Variants in KATNAL1 observed in about 807,000 individuals in gnomAD.
KATNAL1 encodes the protein katanin p60 ATPase-containing subunit A-like 1.
In KATNAL1, 32 loss-of-function variants were observed where a neutral mutation model predicts 55.2. The observed-to-expected ratio is 0.58, with a 90% confidence interval of 0.44 to 0.78. The LOEUF is 0.78. Among genes scored for constraint, KATNAL1 ranks in the 30% least tolerant of loss-of-function variants. The pLI is 0.00. For synonymous variants in KATNAL1, 193 were observed against 193.6 expected (o/e 1.00, Z 0.02); for missense variants, 466 against 600.9 (o/e 0.78, Z 2.35).
At position 30,258,632 on chromosome 13, in the gene KATNAL1, G is replaced by A. The variant is rs74813118; in HGVS notation, c.324-3017C>T. ...CCAGTTTAATAAATCTTTGCCTACC[G>A]CAAGATCATGATGATATCCCTCCCA... is the stretch of plus-strand genomic sequence containing the variant. On this transcript the variant is annotated intron_variant, in intron 3 of 10. Coordinates refer to ENST00000380615, the MANE Select transcript of KATNAL1 (RefSeq NM_032116.5). Among the ~76,000 whole-genome samples, 279 of 152,176 alleles carry A rather than the reference G, an allele frequency of 1.8e-3. 3 individuals carry two copies. Among genetic ancestry groups the A allele is most frequent in the African/African-American group, 6.4e-3 (264 of 41,530 alleles).
chr13:30,208,743 A>C lies in KATNAL1; in HGVS notation c.1275-5T>G. ...ATTGCCATTAAAGAGGCATCCCTAA[A>C]AATATACCAAAATCAGTCAACAGTA... On this transcript the variant is annotated splice_polypyrimidine_tract_variant and splice_region_variant and intron_variant, in intron 10 of 10. Coordinates refer to ENST00000380615, the MANE Select transcript of KATNAL1 (RefSeq NM_032116.5). 6.3e-7 allele frequency: 1 copy of C among 1,587,484 alleles called. No individual in the cohort carries two copies. The highest frequency in any genetic ancestry group is 8.6e-7 in the Non-Finnish European group (1 of 1,163,620).
At chr13:30,219,276 A>G (rs940116528) in intron 9 of KATNAL1, among the ~76,000 whole-genome samples, 3 of 152,028 alleles carry the variant, frequency 2.0e-5, no homozygotes, top group Non-Finnish European at 4.4e-5. Flanking sequence ...AATCTCTTCC[A>G]GGCCTTTTTA....
intron 4 of KATNAL1, among the ~76,000 whole-genome samples, chr13:30,241,304 C>T (rs1024374728): frequency 2.0e-5 from 3 of 152,166 alleles, no homozygotes; most frequent in Non-Finnish European, 4.4e-5. Context: ...TACATTCTTG[C>T]AGGAACAGTT....
At chr13:30,228,199 A>C (rs953783599) in intron 8 of KATNAL1, among the ~76,000 whole-genome samples, 3 of 152,230 alleles carry the variant, frequency 2.0e-5, no homozygotes, top group Non-Finnish European at 4.4e-5. Flanking sequence ...CAGGTCACAC[A>C]ACAGAAACTT....
In KATNAL1 at chr13:30,296,472, T is replaced by C. The variant is rs1423806012; in HGVS notation, c.-15+10859A>G. On this transcript the variant is annotated intron_variant, in intron 1 of 10. Transcript: ENST00000380615. ...ATCCCCCTGCTTGCTAATGTGGCAATCTGAGGATTACGGTGAGCTGAAAAC... is the reference window on the plus strand; with the variant it reads ...ATCCCCCTGCTTGCTAATGTGGCAACCTGAGGATTACGGTGAGCTGAAAAC... 5 of 570,336 alleles carry C rather than the reference T, an allele frequency of 8.8e-6. No individual in the cohort carries two copies. In the African/African-American group the frequency reaches 9.4e-5, roughly 11 times the overall value. 35.3% of individuals were successfully genotyped at this position (570,336 alleles called of 1,614,324 possible).
In KATNAL1 at chr13:30,244,265, CT is replaced by C. The variant is rs560207914; in HGVS notation, c.493-3180del. Among the ~76,000 whole-genome samples, 430 of 152,190 alleles carry C rather than the reference CT, an allele frequency of 2.8e-3. 4 individuals carry two copies. Among genetic ancestry groups the C allele is most frequent in the African/African-American group, 9.8e-3 (407 of 41,512 alleles). On this transcript the variant is annotated intron_variant, in intron 4 of 10. Transcript: ENST00000380615. ...TCCCTGCAAAGGACATGAACTCATC[CT>C]TTTTTATGGCTGCATAGTATTCCAT...
At chr13:30,217,371 G>A (rs1031528154) in intron 9 of KATNAL1, among the ~76,000 whole-genome samples, 4 of 152,112 alleles carry the variant, frequency 2.6e-5, no homozygotes, top group Admixed American at 6.5e-5. Context: ...GGAGAATGGC[G>A]TGAACTCAGG....
At position 30,203,191 on chromosome 13, in the gene KATNAL1, G is replaced by A. The variant is rs192469971; in HGVS notation, c.*5349C>T. On this transcript the variant is annotated 3_prime_UTR_variant, in exon 11 of 11. Transcript: ENST00000380615. The stretch of plus-strand genomic sequence containing the variant: ...GGAAAAGTAATTCAGACATTTCACA[G>A]AGGCCTTATTTGGAATACAAACACT... The A allele has an allele frequency of 6.6e-6, 1 of 152,312 alleles. No homozygotes were observed. Among genetic ancestry groups the A allele is most frequent in the East Asian group, 1.9e-4 (1 of 5,188 alleles). The allele number at this position is 152,312 out of a possible 1,614,324, so 9.4% of individuals were successfully genotyped here. A position where few individuals can be genotyped will look rare whatever the true frequency, so the allele number is the denominator to read the frequency against.
chr13:30,243,627 A>AC (rs1293658665), intron 4 of KATNAL1, among the ~76,000 whole-genome samples: 1 of 134,628 alleles, frequency 7.4e-6, no homozygotes, highest in African/African-American at 2.5e-5. Context: ...AAAAAAAAAA[A>AC]AAAAAAGCAA....
At chr13:30,210,573 G>T in intron 9 of KATNAL1, 131 bp from the exon 10 acceptor site, 4 of 429,056 alleles carry the variant, frequency 9.3e-6, no homozygotes, top group East Asian at 6.9e-5. Context: ...GTGTCCATTA[G>T]TATTATTACC....
chr13:30,234,315 TG>T (rs1484877013), intron 6 of KATNAL1, among the ~76,000 whole-genome samples: 1 of 152,218 alleles, frequency 6.6e-6, no homozygotes, highest in Non-Finnish European at 1.5e-5. Context: ...CAACCTTCAA[TG>T]GTTTATGCTA....
chr13:30,271,603 A>G (rs1880365530), intron 3 of KATNAL1, among the ~76,000 whole-genome samples: 1 of 151,950 alleles, frequency 6.6e-6, no homozygotes, highest in African/African-American at 2.4e-5. Context: ...GGGGAAATCC[A>G]CCCCCATGAT....
chr13:30,210,602 T>C (rs1278707149), intron 9 of KATNAL1, 160 bp from the exon 10 acceptor site: 1 of 382,950 alleles, frequency 2.6e-6, no homozygotes, highest in Non-Finnish European at 4.6e-6. Context: ...GCATGACTCA[T>C]GGAATCATTT....
At position 30,206,453 on chromosome 13, in the gene KATNAL1, A is replaced by G. The variant is rs1873160319; in HGVS notation, c.*2087T>C. On this transcript the variant is annotated 3_prime_UTR_variant, in exon 11 of 11. Transcript: ENST00000380615. Reference sequence around the variant, plus strand: ...CACACCTGACTCACTTAACATAGTAAAGTTAGGCTCCCAGGAAGTTTAAGT... The same window carrying G: ...CACACCTGACTCACTTAACATAGTAGAGTTAGGCTCCCAGGAAGTTTAAGT... The G allele has an allele frequency of 6.6e-6, 1 of 152,134 alleles. No homozygotes were observed. Among genetic ancestry groups the G allele is most frequent in the Non-Finnish European group, 1.5e-5 (1 of 68,010 alleles). The allele number at this position is 152,134 out of a possible 1,614,324, so 9.4% of individuals were successfully genotyped here.
intron 6 of KATNAL1, among the ~76,000 whole-genome samples, chr13:30,236,967 C>T (rs1205334607): frequency 1.3e-5 from 2 of 152,224 alleles, no homozygotes; most frequent in Non-Finnish European, 2.9e-5. Flanking sequence ...GGGTCACCTG[C>T]TCTGGGAGGC....
At chr13:30,306,911 A>G (rs1481123141) in intron 1 of KATNAL1, 2 of 152,406 alleles carry the variant, frequency 1.3e-5, no homozygotes, top group African/African-American at 4.8e-5. Flanking sequence ...GGGCGGGCCC[A>G]GCTACAGGGC....
Position 30,206,784 on chromosome 13 carries a change from A to G in KATNAL1, c.*1756T>C, listed in dbSNP as rs775715731. ...AAAAAAAGTGCATTTCTGACTGGCAATAGTTTGCAAAATAATCGTAATGAA... is the reference window on the plus strand; with the variant it reads ...AAAAAAAGTGCATTTCTGACTGGCAGTAGTTTGCAAAATAATCGTAATGAA... On this transcript the variant is annotated 3_prime_UTR_variant, in exon 11 of 11. Transcript: ENST00000380615. 11 of 152,194 alleles carry G rather than the reference A, an allele frequency of 7.2e-5. No individual in the cohort carries two copies. Among genetic ancestry groups the G allele is most frequent in the Non-Finnish European group, 1.6e-4 (11 of 68,022 alleles). 9.4% of individuals were successfully genotyped at this position (152,194 alleles called of 1,614,324 possible).
intron 3 of KATNAL1, among the ~76,000 whole-genome samples, chr13:30,259,677 C>A (rs77770859): frequency 1.0e-3 from 154 of 152,326 alleles, no homozygotes; most frequent in African/African-American, 3.5e-3. Context: ...TCTTAAAAAA[C>A]GCGGCACCAG....
At chr13:30,300,673 T>G (rs781582521) in intron 1 of KATNAL1, among the ~76,000 whole-genome samples, 14 of 152,236 alleles carry the variant, frequency 9.2e-5, no homozygotes, top group Non-Finnish European at 1.0e-4. Context: ...GAACCTACTA[T>G]GTGAGTACTA....
Sources: gnomAD v4.1 joint callset for allele counts (sites outside exome capture counted in the v4.1 genomes callset) on GRCh38, gnomAD v4.1.1 for gene constraint, MANE v1.5 for transcripts, NCBI Gene and HGNC (gene_info 2026-07-23, HGNC 2026-07-21) for gene names.